Variants in PDCL3 observed in about 807,000 individuals in gnomAD.
PDCL3 encodes the protein phosducin like 3.
In PDCL3, 22 loss-of-function variants were observed where a neutral mutation model predicts 26.5. That is an observed-to-expected ratio of 0.83 (90% CI 0.59 to 1.19). The LOEUF (loss-of-function observed/expected upper bound fraction) is 1.19. Ranked by LOEUF, PDCL3 falls within the 50% of genes most tolerant of loss-of-function variation. The probability of loss-of-function intolerance (pLI) is 0.00; values close to 1 mark genes in which losing one functional copy is unlikely to be tolerated. For synonymous variants in PDCL3, 81 were observed against 104.9 expected (o/e 0.77, Z 1.39); for missense variants, 246 against 294.1 (o/e 0.84, Z 1.20).
rs184135734 is a variant in PDCL3, at chr2:100,567,797, G to A, written c.134-1134G>A. Among the ~76,000 whole-genome samples, 7 of 151,682 alleles carry A rather than the reference G, an allele frequency of 4.6e-5. No individual in the cohort carries two copies. The East Asian group carries it at 7.8e-4, about 17-fold the overall frequency. ...CTAATGAGGCAGGAAGCTTTTGGAT[G>A]TTTAAACAGAAGAGTGACATTTTCT... is the stretch of plus-strand genomic sequence containing the variant. On this transcript the variant is annotated intron_variant, in intron 2 of 5. Transcript: ENST00000264254.
At chr2:100,574,995 G>T (rs975511270) in intron 5 of PDCL3, among the ~76,000 whole-genome samples, 10 of 152,192 alleles carry the variant, frequency 6.6e-5, no homozygotes, top group East Asian at 3.8e-4. Context: ...CTGCTAGGGA[G>T]ATGGGCGGGA....
At chr2:100,573,005 G>A (rs535692043) in intron 5 of PDCL3, among the ~76,000 whole-genome samples, 13 of 151,742 alleles carry the variant, frequency 8.6e-5, no homozygotes, top group Admixed American at 4.6e-4. Context: ...CTGCCTCAGC[G>A]TCTCAGGTAG....
chr2:100,572,557 G>A (rs1675199470), intron 5 of PDCL3, among the ~76,000 whole-genome samples: 1 of 141,684 alleles, frequency 7.1e-6, no homozygotes, highest in Admixed American at 7.3e-5. Flanking sequence ...CACTCTTCTT[G>A]CCCAGGCTGG....
chr2:100,575,368 T>C lies in PDCL3; in HGVS notation c.578-986T>C, dbSNP rs373440744. Among the ~76,000 whole-genome samples, 636 of 152,212 alleles carry C rather than the reference T, an allele frequency of 4.2e-3. 2 individuals are homozygous for C. Among genetic ancestry groups the C allele is most frequent in the South Asian group, 0.01 (50 of 4,822 alleles). On this transcript the variant is annotated intron_variant, in intron 5 of 5. Coordinates refer to ENST00000264254, the MANE Select transcript of PDCL3 (RefSeq NM_024065.5). ...GCCAGGATGGTCTCGATCTCCAGAC[T>C]TCGTGATCCGCCCACCTTGGCCTCC...
At chr2:100,563,915 G>T (rs1490825958) in intron 1 of PDCL3, among the ~76,000 whole-genome samples, 4 of 140,644 alleles carry the variant, frequency 2.8e-5, no homozygotes, top group African/African-American at 5.3e-5. Context: ...GCCAGACACT[G>T]TTTTTTTTTT....
At chr2:100,570,474 C>CTTTTTTTTTTTTTT (rs762190373) in intron 4 of PDCL3, among the ~76,000 whole-genome samples, 1 of 125,322 alleles carries the variant, frequency 8.0e-6, no homozygotes, top group Non-Finnish European at 1.6e-5. Context: ...TTAGGAATTT[C>CTTTTTTTTTTTTTT]TTTTTTTTTT....
intron 2 of PDCL3, 101 bp from the exon 3 acceptor site, chr2:100,568,827 GTGT>G (rs1675106082): frequency 1.2e-6 from 1 of 866,624 alleles, no homozygotes; most frequent in East Asian, 2.4e-5. Flanking sequence ...TAAGGATCTG[GTGT>G]TGTGTGCATA....
chr2:100,574,570 A>G (rs1675241739), intron 5 of PDCL3, among the ~76,000 whole-genome samples: 1 of 152,160 alleles, frequency 6.6e-6, no homozygotes, highest in Non-Finnish European at 1.5e-5. Context: ...GTAATTAACC[A>G]TCCATCATTT....
chr2:100,563,273 G>A (rs1284253080), intron 1 of PDCL3, 200 bp downstream of exon 1: 2 of 539,136 alleles, frequency 3.7e-6, no homozygotes, highest in Non-Finnish European at 6.3e-6. Context: ...GGGCGTCCCC[G>A]CCTCGGTGTG....
At chr2:100,575,944 G>A (rs530460840) in intron 5 of PDCL3, among the ~76,000 whole-genome samples, 3 of 151,626 alleles carry the variant, frequency 2.0e-5, no homozygotes, top group Admixed American at 6.6e-5. Flanking sequence ...GTGTAGGCTG[G>A]AGTGCAGTGA....
At position 100,563,308 on chromosome 2, in the gene PDCL3, C is replaced by G. The variant is rs1573275992; in HGVS notation, c.6+235C>G. ...GCCGGGTCCCCCAAACCTCGTCCTC[C>G]GGGACTATGTCTTCTCGCGGTCTCT... On this transcript the variant is annotated intron_variant, in intron 1 of 5. Coordinates refer to ENST00000264254, the MANE Select transcript of PDCL3 (RefSeq NM_024065.5). 9 of 490,854 alleles carry G rather than the reference C, an allele frequency of 1.8e-5. No homozygotes were observed. The East Asian group carries it at 3.2e-4, about 17-fold the overall frequency. The allele number at this position is 490,854 out of a possible 1,614,324, so 30.4% of individuals were successfully genotyped here. A position where few individuals can be genotyped will look rare whatever the true frequency, so the allele number is the denominator to read the frequency against.
At chr2:100,573,740 T>C (rs1000008672) in intron 5 of PDCL3, among the ~76,000 whole-genome samples, 1 of 150,964 alleles carries the variant, frequency 6.6e-6, no homozygotes, top group African/African-American at 2.4e-5. Flanking sequence ...AACACACACA[T>C]ATAGGAGATA....
chr2:100,576,548 T>G lies in PDCL3; in HGVS notation c.*52T>G. On this transcript the variant is annotated 3_prime_UTR_variant, in exon 6 of 6. Transcript: ENST00000264254. Reference sequence around the variant, plus strand: ...CTTTCTTGTGACAAATTGTCTGGATTTTTTAAAAAAGGAAAAAGCAAGAAT... The same window carrying G: ...CTTTCTTGTGACAAATTGTCTGGATGTTTTAAAAAAGGAAAAAGCAAGAAT... 2 of 1,470,152 alleles carry G rather than the reference T, an allele frequency of 1.4e-6. No homozygotes were observed. Among genetic ancestry groups the G allele is most frequent in the African/African-American group, 1.4e-5 (1 of 69,222 alleles). 91.1% of individuals were successfully genotyped at this position (1,470,152 alleles called of 1,614,324 possible).
chr2:100,575,268 T>C (rs1004313110), intron 5 of PDCL3, among the ~76,000 whole-genome samples: 2 of 152,202 alleles, frequency 1.3e-5, no homozygotes, highest in African/African-American at 4.8e-5. Flanking sequence ...CCCGAGTAGC[T>C]GGGACTACAG....
chr2:100,564,165 C>T (rs757334147), intron 1 of PDCL3, among the ~76,000 whole-genome samples: 18 of 151,966 alleles, frequency 1.2e-4, no homozygotes, highest in Non-Finnish European at 1.8e-4. Context: ...CCGCACCTGG[C>T]CTAGACACTC....
At chr2:100,569,326 C>T (rs542678134) in intron 3 of PDCL3, among the ~76,000 whole-genome samples, 3 of 152,236 alleles carry the variant, frequency 2.0e-5, no homozygotes, top group East Asian at 3.9e-4. Flanking sequence ...CACTGCACTC[C>T]AGCCTGTGTG....
At position 100,572,420 on chromosome 2, in the gene PDCL3, C is replaced by T. The variant is rs527725263; in HGVS notation, c.577+622C>T. Among the ~76,000 whole-genome samples, 118 of 152,194 alleles carry T rather than the reference C, an allele frequency of 7.8e-4. 1 individual carries two copies. The highest frequency in any genetic ancestry group is 7.7e-3 in the Admixed American group (118 of 15,278). ...GGAGACGGGGTTTCACCATGTTGGC[C>T]AGGCTGGTCTCAAACTCCTGGCCTC... On this transcript the variant is annotated intron_variant, in intron 5 of 5. Coordinates refer to ENST00000264254, the MANE Select transcript of PDCL3 (RefSeq NM_024065.5).
Position 100,566,644 on chromosome 2 carries a change from T to A in PDCL3, c.133+15T>A. ...GCAGTCAGTGGGTGAGTTCACTCGC[T>A]TTCCTCTGCACCTGTCTGGGTTAGG... On this transcript the variant is annotated intron_variant, in intron 2 of 5. Coordinates refer to ENST00000264254, the MANE Select transcript of PDCL3 (RefSeq NM_024065.5). 7 of 1,613,546 alleles carry A rather than the reference T, an allele frequency of 4.3e-6. No individual in the cohort carries two copies. Among genetic ancestry groups the A allele is most frequent in the Non-Finnish European group, 5.9e-6 (7 of 1,179,692 alleles).
In PDCL3 at chr2:100,576,484, C is replaced by T. The variant is rs145284007; in HGVS notation, c.708C>T (p.Ser236=). Residue 236 remains serine (S), a synonymous_variant, in exon 6 of 6, where the codon TCC becomes TCT. Coordinates refer to ENST00000264254, the MANE Select transcript of PDCL3 (RefSeq NM_024065.5). Reference sequence around the variant, plus strand: ...TCCTCATGAAGAGGGACAGCGATTCCGAGGGTGACTGAGGCTACAGCTTCT... The same window carrying T: ...TCCTCATGAAGAGGGACAGCGATTCTGAGGGTGACTGAGGCTACAGCTTCT... ...RSVLMKRDSD[S]EGD 7.5e-6 allele frequency: 12 copies of T among 1,604,626 alleles called. No homozygotes were observed. The Admixed American group carries it at 8.5e-5, about 11-fold the overall frequency.
Sources: allele counts gnomAD v4.1 joint callset (sites outside exome capture counted in the v4.1 genomes callset), GRCh38; gene constraint gnomAD v4.1.1; transcripts MANE v1.5; gene names NCBI Gene and HGNC (gene_info 2026-07-23, HGNC 2026-07-21).